CSAD: variants seen among roughly 807,000 people sequenced by gnomAD.
CSAD encodes P-selectin cytoplasmic tail-associated protein.
In CSAD, 47 loss-of-function variants were observed where a neutral mutation model predicts 61.5. That is an observed-to-expected ratio of 0.76 (90% confidence interval 0.60 to 0.97). The LOEUF (loss-of-function observed/expected upper bound fraction) is 0.97. CSAD is among the 50% of genes least tolerant of loss of function. The probability of loss-of-function intolerance (pLI) is 0.00; values close to 1 mark genes in which losing one functional copy is unlikely to be tolerated. For synonymous variants in CSAD, 245 were observed against 252.7 expected, an observed-to-expected ratio of 0.97 and a Z score of 0.29; for missense variants, 611 against 643.6, an observed-to-expected ratio of 0.95 and a Z score of 0.55.
intron 2 of CSAD, among the ~76,000 whole-genome samples, chr12:53,178,115 G>A (rs147607615): frequency 2.8e-3 from 423 of 152,260 alleles, no homozygotes; most frequent in African/African-American, 9.6e-3. Context: ...ATTCACACAT[G>A]GTTCTGAGTA....
At chr12:53,171,088 T>G in intron 8 of CSAD, 2 of 666,318 alleles carry the variant, frequency 3.0e-6, no homozygotes, top group Non-Finnish European at 5.5e-6. Context: ...CACTCTTGAG[T>G]AGGAAGAGTA....
In CSAD at chr12:53,175,777, T is replaced by G. The variant is rs901020022; in HGVS notation, c.-49-2007A>C. 9.2e-5 allele frequency among the ~76,000 whole-genome samples: 14 copies of G among 152,274 alleles called. 1 individual carries two copies. Among genetic ancestry groups the G allele is most frequent in the Admixed American group, 8.5e-4 (13 of 15,290 alleles). On this transcript the variant is annotated intron_variant, in intron 2 of 16. Transcript: ENST00000444623. ...TGCATCAACCAAGAATCTGTAGTAA[T>G]GATAATAGATTTGCAAAGGGTGTTT... is the stretch of plus-strand genomic sequence containing the variant.
intron 2 of CSAD, among the ~76,000 whole-genome samples, chr12:53,176,770 T>A (rs1941141983): frequency 6.6e-6 from 1 of 152,152 alleles, no homozygotes; most frequent in South Asian, 2.1e-4. Context: ...TTTTGCTGTA[T>A]CACCCAGGCT....
intron 16 of CSAD, among the ~76,000 whole-genome samples, chr12:53,159,168 C>T (rs949555853): frequency 2.0e-5 from 3 of 152,182 alleles, no homozygotes; most frequent in South Asian, 4.1e-4. Context: ...TCCATAAGGG[C>T]AAGAACATTT....
At chr12:53,169,651 G>A (rs1940324302) in intron 10 of CSAD, among the ~76,000 whole-genome samples, 1 of 151,984 alleles carries the variant, frequency 6.6e-6, no homozygotes, top group Admixed American at 6.6e-5. Flanking sequence ...CCTCCAAGGT[G>A]GCTGTAGCAG....
At chr12:53,180,585 G>C in intron 1 of CSAD, 147 bp downstream of exon 1, 1 of 1,284,934 alleles carries the variant, frequency 7.8e-7, no homozygotes, top group Non-Finnish European at 1.0e-6. Context: ...ACCTCTCCGT[G>C]CGTCCCCAAG....
At chr12:53,177,344 A>G (rs1941186721) in intron 2 of CSAD, among the ~76,000 whole-genome samples, 1 of 152,234 alleles carries the variant, frequency 6.6e-6, no homozygotes, top group Admixed American at 6.5e-5. Context: ...TTGTCTCAAA[A>G]GCTGAAAGAT....
intron 1 of CSAD, chr12:53,179,943 A>T: frequency 6.3e-7 from 1 of 1,579,162 alleles, no homozygotes. Context: ...CAGGACTCCC[A>T]TAAGACTAGT....
intron 13 of CSAD, 106 bp downstream of exon 13, chr12:53,160,657 G>T: frequency 2.0e-6 from 2 of 980,232 alleles, no homozygotes; most frequent in Non-Finnish European, 3.1e-6. Context: ...CTTCAGAAGG[G>T]ATGGTAAAGA....
intron 16 of CSAD, 30 bp downstream of exon 16, chr12:53,159,593 C>T (rs760526787): frequency 2.1e-5 from 33 of 1,583,772 alleles, no homozygotes; most frequent in Admixed American, 1.0e-4. Context: ...AGCTCCCTAA[C>T]GGGTAAAGAG....
chr12:53,165,620 G>C (rs538207609), intron 10 of CSAD, among the ~76,000 whole-genome samples: 24 of 126,068 alleles, frequency 1.9e-4, no homozygotes, highest in African/African-American at 7.4e-4. Context: ...CCGAGATCAC[G>C]ACACTGCACT....
At chr12:53,161,630 G>C (rs1014603425) in intron 10 of CSAD, among the ~76,000 whole-genome samples, 4 of 151,892 alleles carry the variant, frequency 2.6e-5, no homozygotes, top group African/African-American at 9.7e-5. Flanking sequence ...TACTCTCAAA[G>C]AACTTGAATG....
intron 2 of CSAD, 59 bp from the exon 3 acceptor site, chr12:53,173,829 G>A (rs1280096346): frequency 1.3e-6 from 2 of 1,558,828 alleles, no homozygotes; most frequent in Non-Finnish European, 1.8e-6. Flanking sequence ...ACAATTAAGT[G>A]TTTTTTTCAT....
At chr12:53,171,851 G>A in intron 7 of CSAD, 31 bp downstream of exon 7, 1 of 1,425,692 alleles carries the variant, frequency 7.0e-7, no homozygotes, top group Non-Finnish European at 9.9e-7. Flanking sequence ...CATAAAAAGG[G>A]CAAAGAAAGG....
chr12:53,165,400 C>T (rs7977607), intron 10 of CSAD, among the ~76,000 whole-genome samples: 1 of 150,264 alleles, frequency 6.7e-6, no homozygotes, highest in Non-Finnish European at 1.5e-5. Context: ...GTGGCTCACG[C>T]CTGTGATCCC....
At chr12:53,168,172 T>C (rs1346534069) in intron 10 of CSAD, among the ~76,000 whole-genome samples, 1 of 152,184 alleles carries the variant, frequency 6.6e-6, no homozygotes, top group African/African-American at 2.4e-5. Flanking sequence ...GGCAAATCTA[T>C]ACAGACACTA....
At chr12:53,178,979 G>C (rs1050255036) in intron 2 of CSAD, 123 bp downstream of exon 2, 3 of 151,990 alleles carry the variant, frequency 2.0e-5, no homozygotes, top group African/African-American at 7.3e-5. Context: ...TCAGCCTCTC[G>C]AGTAGCTGGG....
chr12:53,158,800 G>T (rs1938881751), intron 16 of CSAD, 116 bp from the exon 17 acceptor site: 1 of 937,624 alleles, frequency 1.1e-6, no homozygotes, highest in Non-Finnish European at 1.6e-6. Flanking sequence ...GCCACCTTCT[G>T]GGGGTAGCAC....
chr12:53,159,098 T>A (rs1219497865), intron 16 of CSAD, among the ~76,000 whole-genome samples: 1 of 152,252 alleles, frequency 6.6e-6, no homozygotes, highest in Non-Finnish European at 1.5e-5. Context: ...GCAAGTAATT[T>A]ACAACACTGC....
Sources: gnomAD v4.1 joint callset for allele counts (sites outside exome capture counted in the v4.1 genomes callset) on GRCh38, gnomAD v4.1.1 for gene constraint, MANE v1.5 for transcripts, NCBI Gene and HGNC (gene_info 2026-07-23, HGNC 2026-07-21) for gene names.